The following GABRA1 variants were observed in gnomAD, a reference collection of about 807,000 sequenced individuals.
GABRA1 encodes the protein gamma-aminobutyric acid receptor subunit alpha-1.
Under a neutral mutation model 48.9 loss-of-function variants are expected in GABRA1, and 9 were observed. The ratio of observed to expected loss-of-function variants is 0.18; its 90% CI spans 0.11 to 0.32. The LOEUF (loss-of-function observed/expected upper bound fraction) is 0.32, where lower values mean the gene tolerates loss of function less well. Among genes scored for constraint, GABRA1 ranks in the 10% least tolerant of loss-of-function variants. The pLI, the probability that GABRA1 is intolerant of heterozygous loss-of-function variation, is 1.00. For synonymous variants in GABRA1, 210 were observed against 198.7 expected, an observed-to-expected ratio of 1.06 and a Z score of -0.48; for missense variants, 285 against 553.8, an observed-to-expected ratio of 0.51 and a Z score of 4.87.
chr5:161,894,274 C>T (rs557699058), intron 8 of GABRA1, among the ~76,000 whole-genome samples: 25 of 152,226 alleles, frequency 1.6e-4, no homozygotes, highest in South Asian at 1.0e-3. Flanking sequence ...ATTTTCTCAA[C>T]GTCATTCAGC....
At chr5:161,860,542 A>C (rs748401212) in intron 3 of GABRA1, among the ~76,000 whole-genome samples, 16 of 151,872 alleles carry the variant, frequency 1.1e-4, no homozygotes, top group Non-Finnish European at 2.4e-4. Flanking sequence ...ACAAAAAAGT[A>C]GGAAAAATGA....
intron 8 of GABRA1, among the ~76,000 whole-genome samples, chr5:161,892,937 C>T (rs1755167078): frequency 6.6e-6 from 1 of 150,802 alleles, no homozygotes; most frequent in Non-Finnish European, 1.5e-5. Flanking sequence ...CCTGGAGGTG[C>T]AGCTAGCAGT....
intron 9 of GABRA1, among the ~76,000 whole-genome samples, 155 bp from the exon 10 acceptor site, chr5:161,896,956 T>A (rs1266069082): frequency 6.6e-6 from 1 of 152,242 alleles, no homozygotes; most frequent in Non-Finnish European, 1.5e-5. Flanking sequence ...CCTGCATTTT[T>A]AATTTATTAT....
At chr5:161,860,830 C>G (rs1356835627) in intron 3 of GABRA1, among the ~76,000 whole-genome samples, 1 of 151,668 alleles carries the variant, frequency 6.6e-6, no homozygotes, top group Non-Finnish European at 1.5e-5. Flanking sequence ...CAACTATGTC[C>G]AAGTTATAAG....
chr5:161,856,963 T>C (rs1424228133), intron 3 of GABRA1, among the ~76,000 whole-genome samples: 3 of 151,436 alleles, frequency 2.0e-5, no homozygotes, highest in Middle Eastern at 3.4e-3. Flanking sequence ...CTTAATTTTA[T>C]TCATCTACCA....
intron 3 of GABRA1, among the ~76,000 whole-genome samples, chr5:161,861,577 C>A (rs1360604362): frequency 6.6e-6 from 1 of 151,002 alleles, no homozygotes; most frequent in Non-Finnish European, 1.5e-5. Context: ...ACTTGGGTGT[C>A]TACCCCCATA....
intron 4 of GABRA1, among the ~76,000 whole-genome samples, chr5:161,869,318 C>G (rs1415048149): frequency 1.3e-5 from 2 of 152,088 alleles, no homozygotes; most frequent in Non-Finnish European, 2.9e-5. Context: ...AATCCTTGTG[C>G]AAACCTTTTA....
rs2113391118 is a variant in GABRA1 at position 161,876,119 on chromosome 5, A to C, written c.559+477A>C. On this transcript the variant is annotated intron_variant, in intron 6 of 9. Coordinates refer to ENST00000393943, the MANE Select transcript of GABRA1 (RefSeq NM_001127644.2). The stretch of plus-strand genomic sequence containing the variant: ...CTACACCAAACTGATGTTGCAAAAA[A>C]CACAAATACCCTAATCATAGTCTTA... 1.3e-5 allele frequency among the ~76,000 whole-genome samples: 2 copies of C among 152,238 alleles called. 1 individual carries two copies. The highest frequency in any genetic ancestry group is 4.2e-4 in the South Asian group (2 of 4,818).
In GABRA1 at chr5:161,888,246, T is replaced by G. The variant is rs539536282; in HGVS notation, c.704-2652T>G. Among the ~76,000 whole-genome samples, 4 of 152,240 alleles carry G rather than the reference T, an allele frequency of 2.6e-5. No homozygotes were observed. In the South Asian group the frequency reaches 6.2e-4, roughly 24 times the overall value. ...ATTATTTCAATCCAATTTAGGTGAC[T>G]TGGTTTTTTGTTTTTGTTGTGTTTT... On this transcript the variant is annotated intron_variant, in intron 7 of 9. Coordinates refer to ENST00000393943, the MANE Select transcript of GABRA1 (RefSeq NM_001127644.2).
intron 6 of GABRA1, among the ~76,000 whole-genome samples, chr5:161,877,673 A>G (rs769738697): frequency 6.6e-6 from 1 of 152,216 alleles, no homozygotes; most frequent in Non-Finnish European, 1.5e-5. Context: ...CTGGAAGTAA[A>G]TATTTTTAAT....
chr5:161,853,564 A>G (rs994135727), intron 2 of GABRA1: 1 of 151,886 alleles, frequency 6.6e-6, no homozygotes, highest in African/African-American at 2.4e-5. Flanking sequence ...GAGCAGACAA[A>G]TTTTAATCAT....
At chr5:161,868,359 T>C (rs1487651026) in intron 4 of GABRA1, among the ~76,000 whole-genome samples, 2 of 152,058 alleles carry the variant, frequency 1.3e-5, no homozygotes, top group African/African-American at 2.4e-5. Context: ...TTCACTCTTA[T>C]AGGCAGCCAG....
In GABRA1 at chr5:161,849,874, C is replaced by T. The variant is rs573080687; in HGVS notation, c.-15-922C>T. Reference sequence around the variant, plus strand: ...AATTCTCTAAGCTTTCTGTACTCTTCCAGTTCTCCAACATTCCACTACCAA... The same window carrying T: ...AATTCTCTAAGCTTTCTGTACTCTTTCAGTTCTCCAACATTCCACTACCAA... On this transcript the variant is annotated intron_variant, in intron 1 of 9. Transcript: ENST00000393943. Among the ~76,000 whole-genome samples the T allele has an allele frequency of 3.9e-5, 6 of 152,268 alleles. No homozygotes were observed. The East Asian group carries it at 9.6e-4, about 24-fold the overall frequency.
chr5:161,857,023 G>T (rs534164249), intron 3 of GABRA1, among the ~76,000 whole-genome samples: 2 of 150,860 alleles, frequency 1.3e-5, no homozygotes, highest in African/African-American at 4.8e-5. Context: ...GATCCCAATT[G>T]CAAAACAGAC....
chr5:161,873,279 A>G lies in GABRA1; in HGVS notation c.418A>G (p.Thr140Ala), dbSNP rs199689997. 6.2e-7 allele frequency: 1 copy of G among 1,613,862 alleles called. No homozygotes were observed. Among genetic ancestry groups the G allele is most frequent in the Non-Finnish European group, 8.5e-7 (1 of 1,179,838 alleles). ...AAAGAAGTCAGTGGCCCACAACATGACCATGCCCAACAAACTCCTGCGGAT... is the reference window on the plus strand; with the variant it reads ...AAAGAAGTCAGTGGCCCACAACATGGCCATGCCCAACAAACTCCTGCGGAT... ...NGKKSVAHNM[T>A]MPNKLLRITE... is the part of the protein sequence containing the mutation. The change falls in exon 5 of 10, where the codon ACC becomes GCC. Residue 140 changes from threonine (T) to alanine (A), a missense_variant. Around this residue, in one of 6 missense-constraint regions of GABRA1, gnomAD observed 105 missense variants for 267.4 expected, o/e 0.39. Transcript: ENST00000393943.
At chr5:161,866,031 T>C (rs181714535) in intron 4 of GABRA1, among the ~76,000 whole-genome samples, 149 of 152,130 alleles carry the variant, frequency 9.8e-4, no homozygotes, top group Admixed American at 2.5e-3. Flanking sequence ...TTTTAAAAAA[T>C]ATTTTAAATG....
intron 3 of GABRA1, among the ~76,000 whole-genome samples, chr5:161,863,510 TAGAG>T (rs1187822615): frequency 6.6e-6 from 1 of 151,928 alleles, no homozygotes; most frequent in Non-Finnish European, 1.5e-5. Flanking sequence ...AACTCAGAGA[TAGAG>T]AGCTCAATTA....
intron 1 of GABRA1, chr5:161,848,770 C>G (rs187884439): frequency 4.8e-5 from 14 of 292,670 alleles, no homozygotes; most frequent in African/African-American, 3.3e-4. Flanking sequence ...TTGTTTTGGT[C>G]TTTTATTTAT....
intron 7 of GABRA1, among the ~76,000 whole-genome samples, chr5:161,885,311 A>G (rs1006908776): frequency 1.3e-5 from 2 of 152,138 alleles, no homozygotes; most frequent in African/African-American, 4.8e-5. Context: ...TGTATTTTAC[A>G]TCTCTTTGTG....
Sources: gnomAD v4.1 joint callset for allele counts (sites outside exome capture counted in the v4.1 genomes callset) on GRCh38, gnomAD v4.1.1 for gene constraint, gnomAD v4.1.1 regional missense constraint, MANE v1.5 for transcripts, NCBI Gene and HGNC (gene_info 2026-07-23, HGNC 2026-07-21) for gene names.